Variants in UGT1A5 observed in about 807,000 individuals in gnomAD.
The protein encoded by UGT1A5 is UDP-glucuronosyltransferase 1A5.
Under a neutral mutation model 40.3 loss-of-function variants are expected in UGT1A5, and 29 were observed. The observed-to-expected ratio is 0.72, with a 90% CI of 0.54 to 0.98. The LOEUF is 0.98. Ranked by LOEUF, UGT1A5 falls within the 50% of genes least tolerant of loss-of-function variation. The probability of loss-of-function intolerance (pLI) is 0.00; values close to 1 mark genes in which losing one functional copy is unlikely to be tolerated. For synonymous variants in UGT1A5, 257 were observed against 262.5 expected, an observed-to-expected ratio of 0.98 and a Z score of 0.20; for missense variants, 678 against 677.9, an observed-to-expected ratio of 1.00 and a Z score of 0.00.
chr2:233,769,506 T>A lies in UGT1A5; in HGVS notation c.1307+1067T>A. On this transcript the variant is annotated intron_variant, in intron 4 of 4. Coordinates refer to ENST00000373414, the MANE Select transcript of UGT1A5 (RefSeq NM_019078.2). The surrounding 1 kb of genome is among the most constrained non-coding windows in gnomAD (Gnocchi z 4.4). ...GTGTGTTTATGAGAGTGTCCATTGCTTTCTCCCATGGTTACCTCCTTTAGA... is the reference window on the plus strand; with the variant it reads ...GTGTGTTTATGAGAGTGTCCATTGCATTCTCCCATGGTTACCTCCTTTAGA... The A allele has an allele frequency of 6.2e-7, 1 of 1,612,780 alleles. No individual in the cohort carries two copies. Among genetic ancestry groups the A allele is most frequent in the Non-Finnish European group, 8.5e-7 (1 of 1,179,850 alleles).
intron 1 of UGT1A5, among the ~76,000 whole-genome samples, chr2:233,744,443 C>T (rs1003987688): frequency 1.2e-4 from 18 of 151,818 alleles, no homozygotes; most frequent in African/African-American, 3.9e-4. Flanking sequence ...ATACGTACTG[C>T]ATTAGAGATT....
chr2:233,747,228 C>T (rs1559391943), intron 1 of UGT1A5: 2 of 1,605,178 alleles, frequency 1.2e-6, no homozygotes, highest in East Asian at 2.2e-5. Context: ...CCACAGGACC[C>T]CAGGTTCCCC....
Position 233,713,516 on chromosome 2 carries a change from CAT to C in UGT1A5, c.526_527del (p.Ile176SerfsTer3), listed in dbSNP as rs762930324. The C allele has an allele frequency of 6.2e-7, 1 of 1,613,934 alleles. No homozygotes were observed. Among genetic ancestry groups the C allele is most frequent in the South Asian group, 1.1e-5 (1 of 91,064 alleles). ...TTCCTGCTGTGTTTTTCTTGAGGAA[CAT>C]TCCATGTGATTTAGACTTTAAGGGC... ...SIPAVFFLRN[I>X]PCDLDFKGTQ... On this transcript the variant is annotated frameshift_variant, in exon 1 of 5. Coordinates refer to ENST00000373414, the MANE Select transcript of UGT1A5 (RefSeq NM_019078.2). LOFTEE classifies it high-confidence loss of function.
chr2:233,728,331 C>T (rs1305680742), intron 1 of UGT1A5, among the ~76,000 whole-genome samples: 2 of 152,328 alleles, frequency 1.3e-5, no homozygotes, highest in South Asian at 2.1e-4. Flanking sequence ...CTCCAGCTCC[C>T]CCAGTCCCTT....
At chr2:233,752,691 A>G (rs1290582885) in intron 1 of UGT1A5, 2 of 152,214 alleles carry the variant, frequency 1.3e-5, no homozygotes, top group Non-Finnish European at 2.9e-5. Context: ...ATTCATGTTT[A>G]CTAGTGGGGT....
intron 1 of UGT1A5, chr2:233,729,465 T>A (rs757398194): frequency 5.6e-6 from 9 of 1,614,038 alleles, no homozygotes; most frequent in African/African-American, 2.7e-5. Flanking sequence ...TTTTCAGAAG[T>A]ATGGCAATGT....
intron 1 of UGT1A5, among the ~76,000 whole-genome samples, chr2:233,756,694 G>T (rs2125945712): frequency 6.6e-6 from 1 of 152,238 alleles, no homozygotes. Context: ...TAATGACGAT[G>T]AATTTTGGGG....
At chr2:233,748,095 T>G (rs1186199054) in intron 1 of UGT1A5, 80 of 1,612,722 alleles carry the variant, frequency 5.0e-5, no homozygotes, top group Non-Finnish European at 6.3e-5. Context: ...TGTTCGTGCC[T>G]TCATCCAATC....
rs199947040 is a variant in UGT1A5 at position 233,743,509 on chromosome 2, G to A, written c.868-23525G>A. On this transcript the variant is annotated intron_variant, in intron 1 of 4. Transcript: ENST00000373414. ...GAAGGCAGAGAAAAGGGGTGCAGAC[G>A]CTCTGCTTCTGCTTCCCCAGCAGTT... 3.6e-5 allele frequency: 49 copies of A among 1,367,172 alleles called. 1 individual carries two copies. The South Asian group carries it at 4.7e-4, about 13-fold the overall frequency. The allele number at this position is 1,367,172 out of a possible 1,614,324, so 84.7% of individuals were successfully genotyped here.
chr2:233,730,218 T>C (rs2078001973), intron 1 of UGT1A5, among the ~76,000 whole-genome samples: 1 of 152,086 alleles, frequency 6.6e-6, no homozygotes, highest in Admixed American at 6.5e-5. Context: ...ACACGAATGT[T>C]TGTAAAAGGA....
chr2:233,719,258 T>C (rs2076743252), intron 1 of UGT1A5: 1 of 1,614,162 alleles, frequency 6.2e-7, no homozygotes, highest in Non-Finnish European at 8.5e-7. Flanking sequence ...CTACTTCCTT[T>C]GATGTGGTTT....
intron 1 of UGT1A5, among the ~76,000 whole-genome samples, chr2:233,724,292 C>A (rs1379070155): frequency 7.8e-6 from 1 of 129,018 alleles, no homozygotes; most frequent in East Asian, 2.7e-4. Context: ...GGGGGGCTGA[C>A]CCCCCCACCT....
chr2:233,755,300 G>C (rs149465290), intron 1 of UGT1A5: 2 of 608,528 alleles, frequency 3.3e-6, no homozygotes, highest in African/African-American at 3.8e-5. Flanking sequence ...GCGGGGCACT[G>C]GCACAGCGAG....
intron 1 of UGT1A5, among the ~76,000 whole-genome samples, chr2:233,763,573 C>T (rs1559410117): frequency 1.3e-5 from 2 of 152,188 alleles, no homozygotes; most frequent in African/African-American, 4.8e-5. Flanking sequence ...TTCTTATTTT[C>T]TCTTTCTTCC....
At chr2:233,740,578 C>A (rs1384729734) in intron 1 of UGT1A5, 2 of 151,730 alleles carry the variant, frequency 1.3e-5, no homozygotes, top group Non-Finnish European at 2.9e-5. Flanking sequence ...TTTTTTGGGA[C>A]CCTAATGAAA....
At position 233,749,745 on chromosome 2, in the gene UGT1A5, G is replaced by T. The variant is rs1364813109; in HGVS notation, c.868-17289G>T. On this transcript the variant is annotated intron_variant, in intron 1 of 4. Coordinates refer to ENST00000373414, the MANE Select transcript of UGT1A5 (RefSeq NM_019078.2). ...TTTCGCACCTGCTGGTCTCATCATA[G>T]TGAGTGAGTTCTTATGAGATCTGAT... Among the ~76,000 whole-genome samples the T allele has an allele frequency of 4.6e-5, 7 of 151,902 alleles. 2 individuals carry two copies. The highest frequency in any genetic ancestry group is 1.0e-4 in the Non-Finnish European group (7 of 68,034).
intron 1 of UGT1A5, among the ~76,000 whole-genome samples, chr2:233,726,758 C>T (rs2125721651): frequency 6.6e-6 from 1 of 152,360 alleles, no homozygotes; most frequent in East Asian, 1.9e-4. Context: ...CTGCCTACCA[C>T]AGACACTAAG....
chr2:233,740,930 T>G (rs1298950917), intron 1 of UGT1A5: 2 of 151,696 alleles, frequency 1.3e-5, no homozygotes, highest in African/African-American at 2.4e-5. Flanking sequence ...ACAAAAAGTT[T>G]TTTTTTTAAT....
chr2:233,760,664 G>T, intron 1 of UGT1A5: 3 of 1,614,182 alleles, frequency 1.9e-6, no homozygotes, highest in Non-Finnish European at 2.5e-6. Flanking sequence ...CTTTTGTCTG[G>T]CTGTTCCCAC....
Sources: allele counts gnomAD v4.1 joint callset (sites outside exome capture counted in the v4.1 genomes callset), GRCh38; gene constraint gnomAD v4.1.1; non-coding constraint Gnocchi (gnomAD v3.1); transcripts MANE v1.5; gene names NCBI Gene and HGNC (gene_info 2026-07-23, HGNC 2026-07-21).